The following POGZ variants were observed in gnomAD, a reference collection of about 807,000 sequenced individuals.
POGZ encodes the protein pogo transposable element derived with ZNF domain, also known as pogo transposable element with ZNF domain.
In POGZ, 17 loss-of-function variants were observed where a neutral mutation model predicts 134.6. That is an observed-to-expected ratio of 0.13 (90% CI 0.09 to 0.19). The LOEUF is 0.19. Ranked by LOEUF, POGZ falls within the 10% of genes least tolerant of loss-of-function variation. POGZ has a pLI of 1.00. For missense variants in POGZ, 1,306 were observed against 1,769.7 expected, an observed-to-expected ratio of 0.74 and a Z score of 4.70; for synonymous variants, 693 against 657.1, an observed-to-expected ratio of 1.05 and a Z score of -0.84.
intron 10 of POGZ, among the ~76,000 whole-genome samples, chr1:151,415,032 C>T (rs11801791): frequency 0.64 from 97,577 of 151,988 alleles, 34,856 homozygotes; most frequent in Non-Finnish European, 0.82. Flanking sequence ...AGGAAATAGG[C>T]ATGAACAACT....
chr1:151,423,908 TCTCTTGTTCAAG>T lies in POGZ; in HGVS notation c.1523+29_1523+40del. On this transcript the variant is annotated intron_variant, in intron 9 of 18. Coordinates refer to ENST00000271715, the MANE Select transcript of POGZ (RefSeq NM_015100.4). ...AAAATATATAAGAAAATGTAAGTCTTCTCTTGTTCAAGGTAACTTCCAAGGCTCTTAAACACT... is the reference window on the plus strand; with the variant it reads ...AAAATATATAAGAAAATGTAAGTCTTGTAACTTCCAAGGCTCTTAAACACT... The T allele has an allele frequency of 2.7e-6, 4 of 1,456,164 alleles. No individual in the cohort carries two copies. The Middle Eastern group carries it at 7.4e-4, about 269-fold the overall frequency. 90.2% of individuals were successfully genotyped at this position (1,456,164 alleles called of 1,614,324 possible).
In POGZ at chr1:151,403,745, GTCTT is replaced by G; in HGVS notation, c.*1053_*1056del. 1.0e-6 allele frequency: 1 copy of G among 985,726 alleles called. No homozygotes were observed. Among genetic ancestry groups the G allele is most frequent in the Non-Finnish European group, 1.2e-6 (1 of 829,908 alleles). The allele number at this position is 985,726 out of a possible 1,614,324, so 61.1% of individuals were successfully genotyped here. On this transcript the variant is annotated 3_prime_UTR_variant, in exon 19 of 19. Transcript: ENST00000271715. Reference sequence around the variant, plus strand: ...ACGCTGGATTTCAACAAGTGGTCTTGTCTTTTTAAAGTTCAACACTTCTTGAACA... The same window carrying G: ...ACGCTGGATTTCAACAAGTGGTCTTGTTTAAAGTTCAACACTTCTTGAACA...
In POGZ at chr1:151,411,747, A is replaced by G. The variant is rs146509880; in HGVS notation, c.1804T>C (p.Tyr602His). The G allele has an allele frequency of 3.1e-6, 5 of 1,613,410 alleles. No individual in the cohort carries two copies. Among genetic ancestry groups the G allele is most frequent in the Non-Finnish European group, 4.2e-6 (5 of 1,179,616 alleles). The change falls in exon 12 of 19, where the codon TAC (tyrosine) becomes CAC (histidine). Residue 602 changes from tyrosine (Y) to histidine (H), a missense_variant. Coordinates refer to ENST00000271715, the MANE Select transcript of POGZ (RefSeq NM_015100.4). ...CGAAAATGGACATCTACCTCAGAGTAGAGTGAGGAGCGATATTGACACACC... is the reference window on the plus strand; with the variant it reads ...CGAAAATGGACATCTACCTCAGAGTGGAGTGAGGAGCGATATTGACACACC... Reference protein sequence around the residue: ...CQVCQYRSSLYSEVDVHFRMI... With the variant: ...CQVCQYRSSLHSEVDVHFRMI...
chr1:151,403,801 A>T lies in POGZ; in HGVS notation c.*1001T>A, dbSNP rs1198861397. 1.0e-6 allele frequency: 1 copy of T among 985,424 alleles called. No homozygotes were observed. Among genetic ancestry groups the T allele is most frequent in the African/African-American group, 1.7e-5 (1 of 57,244 alleles). 61.0% of individuals were successfully genotyped at this position (985,424 alleles called of 1,614,324 possible). A position where few individuals can be genotyped will look rare whatever the true frequency, so the allele number is the denominator to read the frequency against. ...TTAGCTCCTGGCTGTAGGACCAGTA[A>T]TCCCTTAAACAGGCATGCTCTCCAT... is the stretch of plus-strand genomic sequence containing the variant. On this transcript the variant is annotated 3_prime_UTR_variant, in exon 19 of 19. Transcript: ENST00000271715.
At chr1:151,458,857 C>T (rs1407714711) in intron 1 of POGZ, among the ~76,000 whole-genome samples, 3 of 145,416 alleles carry the variant, frequency 2.1e-5, no homozygotes, top group Admixed American at 1.4e-4. Flanking sequence ...GGGCGGCCGG[C>T]CAGCCGGCAG....
intron 10 of POGZ, among the ~76,000 whole-genome samples, chr1:151,420,909 G>A (rs1228693098): frequency 6.6e-6 from 1 of 151,060 alleles, no homozygotes; most frequent in East Asian, 1.9e-4. Context: ...CTTTGCCAAT[G>A]GGAAATATAC....
chr1:151,404,113 G>C lies in POGZ; in HGVS notation c.*689C>G. The stretch of plus-strand genomic sequence containing the variant: ...TCTGGATAATTAAAGGTGGTTTCAT[G>C]CATTTTTAAAGCCACAATTTTATAT... On this transcript the variant is annotated 3_prime_UTR_variant, in exon 19 of 19. Transcript: ENST00000271715. The C allele has an allele frequency of 3.0e-6, 3 of 985,338 alleles. No homozygotes were observed. The highest frequency in any genetic ancestry group is 3.6e-6 in the Non-Finnish European group (3 of 829,708). 61.0% of individuals were successfully genotyped at this position (985,338 alleles called of 1,614,324 possible).
chr1:151,409,380 G>A (rs973174802), intron 12 of POGZ, among the ~76,000 whole-genome samples: 2 of 121,382 alleles, frequency 1.6e-5, no homozygotes, highest in Non-Finnish European at 4.0e-5. Context: ...TACCTGCCTC[G>A]CCCCCTTTTT....
intron 1 of POGZ, among the ~76,000 whole-genome samples, chr1:151,453,432 A>G (rs768546188): frequency 4.6e-5 from 7 of 151,812 alleles, no homozygotes; most frequent in Non-Finnish European, 8.8e-5. Context: ...GTATATATAC[A>G]TTTCTCTTTT....
chr1:151,405,870 G>A lies in POGZ; in HGVS notation c.3165C>T (p.Thr1055=). Residue 1055 remains threonine, a synonymous_variant, in exon 19 of 19, where the codon ACC becomes ACT. Coordinates refer to ENST00000271715, the MANE Select transcript of POGZ (RefSeq NM_015100.4). The surrounding 1 kb of genome is among the most constrained non-coding windows in gnomAD (Gnocchi z 4.9). ...CCCCTTCCAAAGAACGTCCTATTTT[G>A]GTGGCCTTCTGGAACAAGGTCTCCT... is the stretch of plus-strand genomic sequence containing the variant. ...VNEETLFQKA[T]KIGRSLEGGF... The A allele has an allele frequency of 1.2e-6, 2 of 1,614,120 alleles. No individual in the cohort carries two copies. Among genetic ancestry groups the A allele is most frequent in the Non-Finnish European group, 1.7e-6 (2 of 1,180,022 alleles).
chr1:151,444,498 C>T (rs370869885), intron 1 of POGZ, among the ~76,000 whole-genome samples: 5 of 152,310 alleles, frequency 3.3e-5, no homozygotes, highest in African/African-American at 1.2e-4. Context: ...ATATCCAACA[C>T]CCAGCAGAAT....
intron 1 of POGZ, among the ~76,000 whole-genome samples, chr1:151,452,642 G>A (rs1662268731): frequency 6.6e-6 from 1 of 152,042 alleles, no homozygotes; most frequent in Admixed American, 6.6e-5. Flanking sequence ...AATGCAGGCG[G>A]ATCACAAGGA....
intron 1 of POGZ, among the ~76,000 whole-genome samples, chr1:151,446,652 A>G (rs1281560924): frequency 6.6e-6 from 1 of 151,060 alleles, no homozygotes; most frequent in Non-Finnish European, 1.5e-5. Flanking sequence ...GCTACTCAGG[A>G]AGCTGAGGCA....
Position 151,453,070 on chromosome 1 carries a change from G to A in POGZ, c.-2+6082C>T, listed in dbSNP as rs191507943. 2.0e-3 allele frequency among the ~76,000 whole-genome samples: 300 copies of A among 151,886 alleles called. 2 individuals are homozygous for A. Among genetic ancestry groups the A allele is most frequent in the African/African-American group, 7.1e-3 (294 of 41,502 alleles). On this transcript the variant is annotated intron_variant, in intron 1 of 18. Transcript: ENST00000271715. ...CCTGAGTAGCTGGGATTACATGCAT[G>A]CGCCACAACGCCCAGCTAATTTTTG...
chr1:151,443,859 A>G (rs1029944225), intron 1 of POGZ, among the ~76,000 whole-genome samples: 3 of 152,252 alleles, frequency 2.0e-5, no homozygotes, highest in Non-Finnish European at 2.9e-5. Context: ...ATTACTGCTC[A>G]ATGTTCAAAC....
At chr1:151,407,046 T>C (rs746544197) in intron 16 of POGZ, 23 bp from the exon 17 acceptor site, 6 of 1,575,888 alleles carry the variant, frequency 3.8e-6, no homozygotes, top group Middle Eastern at 1.7e-4. Flanking sequence ...ATTGAGACTA[T>C]GTAAGACAAA....
chr1:151,407,112 G>A (rs1653786931), intron 16 of POGZ, 89 bp from the exon 17 acceptor site: 1 of 1,214,392 alleles, frequency 8.2e-7, no homozygotes, highest in Non-Finnish European at 1.2e-6. Flanking sequence ...GAAAAGGAAT[G>A]CCCTCCCACT....
chr1:151,422,984 T>C (rs745373841), intron 10 of POGZ, among the ~76,000 whole-genome samples: 1 of 152,260 alleles, frequency 6.6e-6, no homozygotes, highest in Non-Finnish European at 1.5e-5. Context: ...GCTCATCTTA[T>C]ATTTCATTGA....
intron 10 of POGZ, among the ~76,000 whole-genome samples, chr1:151,422,076 G>A (rs543930920): frequency 6.6e-6 from 1 of 152,190 alleles, no homozygotes; most frequent in East Asian, 1.9e-4. Flanking sequence ...TTTTAGTTAA[G>A]GATTTTTACT....
Sources: allele counts gnomAD v4.1 joint callset (sites outside exome capture counted in the v4.1 genomes callset), GRCh38; gene constraint gnomAD v4.1.1; non-coding constraint Gnocchi (gnomAD v3.1); transcripts MANE v1.5; gene names NCBI Gene and HGNC (gene_info 2026-07-23, HGNC 2026-07-21).